The following AVEN variants were observed in gnomAD, a reference collection of about 807,000 sequenced individuals.
AVEN encodes apoptosis and caspase activation inhibitor.
In AVEN, 41 loss-of-function variants were observed where a neutral mutation model predicts 38.1. The ratio of observed to expected loss-of-function variants is 1.08; its 90% CI spans 0.84 to 1.40. AVEN has a LOEUF of 1.40. Ranked by LOEUF, AVEN falls within the 40% of genes most tolerant of loss-of-function variation. The pLI, the probability that AVEN is intolerant of heterozygous loss-of-function variation, is 0.00. For synonymous variants in AVEN, 206 were observed against 171.8 expected (o/e 1.20, Z -1.56); for missense variants, 605 against 438.8 (o/e 1.38, Z -3.38).
chr15:34,047,587 T>C (rs144622216), intron 5 of AVEN, among the ~76,000 whole-genome samples: 19 of 152,230 alleles, frequency 1.2e-4, no homozygotes, highest in Middle Eastern at 3.4e-3. Context: ...TGAGAGAGAA[T>C]TGAGCTCCCA....
chr15:33,932,522 G>A (rs1056728479), intron 2 of AVEN, among the ~76,000 whole-genome samples: 2 of 152,120 alleles, frequency 1.3e-5, no homozygotes, highest in East Asian at 1.9e-4. Flanking sequence ...TTAAGCCAGC[G>A]TTACTTTTAA....
intron 1 of AVEN, among the ~76,000 whole-genome samples, chr15:34,021,194 T>C (rs1898184791): frequency 6.6e-6 from 1 of 152,200 alleles, no homozygotes; most frequent in South Asian, 2.1e-4. Context: ...TTTTTCTTTT[T>C]CTTTTTTTGG....
intron 5 of AVEN, among the ~76,000 whole-genome samples, chr15:34,045,257 G>A (rs1327799992): frequency 1.3e-5 from 2 of 152,132 alleles, no homozygotes; most frequent in African/African-American, 4.8e-5. Flanking sequence ...CACAAAGTAT[G>A]TTCTAAAGAA....
chr15:33,858,243 C>T (rs575534444), downstream of AVEN: 42 of 236,530 alleles, frequency 1.8e-4, no homozygotes, highest in South Asian at 2.3e-4. Context: ...TTGCTTTTGT[C>T]GCCCAGGCTG....
At chr15:33,901,110 CA>C (rs1892481224) in intron 2 of AVEN, among the ~76,000 whole-genome samples, 2 of 152,230 alleles carry the variant, frequency 1.3e-5, no homozygotes, top group African/African-American at 2.4e-5. Context: ...ACTAAAAATA[CA>C]AAAAACTTGG....
At chr15:34,053,513 G>C (rs1900021794) in intron 5 of AVEN, among the ~76,000 whole-genome samples, 1 of 151,584 alleles carries the variant, frequency 6.6e-6, no homozygotes, top group African/African-American at 2.4e-5. Context: ...AGAGAATTCA[G>C]AAATAAAACT....
chr15:33,982,126 C>G (rs1202977021), intron 2 of AVEN, among the ~76,000 whole-genome samples: 1 of 152,060 alleles, frequency 6.6e-6, no homozygotes, highest in East Asian at 1.9e-4. Context: ...CTCAGCCTCC[C>G]AAAGTGCTGG....
At chr15:34,018,301 T>C (rs1250975831) in intron 1 of AVEN, 2 of 152,278 alleles carry the variant, frequency 1.3e-5, no homozygotes, top group Non-Finnish European at 1.5e-5. Context: ...GTTCTCGGTC[T>C]CACTAACTTC....
intron 3 of AVEN, 119 bp from the exon 4 acceptor site, chr15:33,871,149 A>G (rs1248818665): frequency 1.8e-6 from 1 of 546,986 alleles, no homozygotes; most frequent in Non-Finnish European, 2.9e-6. Context: ...AAGTCACACC[A>G]TACATCACAC....
At chr15:33,967,590 A>C (rs776341499) in intron 2 of AVEN, among the ~76,000 whole-genome samples, 1 of 152,004 alleles carries the variant, frequency 6.6e-6, no homozygotes, top group Admixed American at 6.6e-5. Flanking sequence ...TGTAAGTTTG[A>C]AATGTTCCAT....
chr15:34,027,930 T>C (rs1898571437), intron 1 of AVEN, among the ~76,000 whole-genome samples: 1 of 151,894 alleles, frequency 6.6e-6, no homozygotes, highest in Non-Finnish European at 1.5e-5. Flanking sequence ...ATCTGGAAGA[T>C]ATACACATGT....
At chr15:33,904,762 T>C (rs1221142332) in intron 2 of AVEN, among the ~76,000 whole-genome samples, 1 of 145,062 alleles carries the variant, frequency 6.9e-6, no homozygotes, top group Non-Finnish European at 1.5e-5. Context: ...TGCACACACA[T>C]ATATATGTAT....
chr15:33,971,383 T>C (rs939563325), intron 2 of AVEN, among the ~76,000 whole-genome samples: 1 of 152,070 alleles, frequency 6.6e-6, no homozygotes, highest in African/African-American at 2.4e-5. Context: ...CATATCCTTA[T>C]AATAATACCT....
intron 1 of AVEN, among the ~76,000 whole-genome samples, chr15:34,033,527 A>G (rs1178121519): frequency 6.6e-6 from 1 of 152,166 alleles, no homozygotes; most frequent in African/African-American, 2.4e-5. Flanking sequence ...AAAAATTGCA[A>G]ATCAAAATAA....
At chr15:33,853,520 G>C in the AVEN span, 2 of 1,604,766 alleles carry the variant, frequency 1.2e-6, no homozygotes, top group Non-Finnish European at 8.5e-7. Flanking sequence ...GTGGTGGCGT[G>C]TGGCCTGAGC....
intron 2 of AVEN, among the ~76,000 whole-genome samples, chr15:33,918,457 G>GTTTTTTTTTTTT (rs1893246469): frequency 8.9e-6 from 1 of 112,170 alleles, no homozygotes; most frequent in African/African-American, 3.9e-5. Flanking sequence ...TTAAATTACA[G>GTTTTTTTTTTTT]CTTTTTTTTT....
At chr15:34,034,995 T>G (rs1197724249) in intron 1 of AVEN, among the ~76,000 whole-genome samples, 1 of 152,206 alleles carries the variant, frequency 6.6e-6, no homozygotes, top group African/African-American at 2.4e-5. Context: ...TGAGCAACAA[T>G]GAAGGAGCAA....
chr15:33,953,178 G>A (rs1894818189), intron 2 of AVEN, among the ~76,000 whole-genome samples: 1 of 151,914 alleles, frequency 6.6e-6, no homozygotes, highest in Non-Finnish European at 1.5e-5. Context: ...TCATGGATAG[G>A]AAGAATCAAT....
intron 2 of AVEN, among the ~76,000 whole-genome samples, chr15:33,915,883 G>A (rs974464340): frequency 6.6e-6 from 1 of 152,136 alleles, no homozygotes; most frequent in Non-Finnish European, 1.5e-5. Flanking sequence ...GGGCAGCGTG[G>A]GAGCTGGGTA....
Sources: allele counts gnomAD v4.1 joint callset (sites outside exome capture counted in the v4.1 genomes callset), GRCh38; gene constraint gnomAD v4.1.1; transcripts MANE v1.5; gene names NCBI Gene and HGNC (gene_info 2026-07-23, HGNC 2026-07-21).